Variants in CDC42BPA observed in about 807,000 individuals in gnomAD.
The protein encoded by CDC42BPA is CDC42 binding protein kinase alpha.
Under a neutral mutation model 223.5 loss-of-function variants are expected in CDC42BPA, and 80 were observed. The observed-to-expected ratio is 0.36, with a 90% CI of 0.30 to 0.43. The LOEUF (loss-of-function observed/expected upper bound fraction) is 0.43. Among genes scored for constraint, CDC42BPA ranks in the 20% least tolerant of loss-of-function variants. The pLI, the probability that CDC42BPA is intolerant of heterozygous loss-of-function variation, is 1.00. For missense variants in CDC42BPA, 1,743 were observed against 2,099.9 expected (o/e 0.83, Z 3.32); for synonymous variants, 694 against 718.6 (o/e 0.97, Z 0.55).
chr1:226,996,793 A>ATC (rs1265532203), intron 35 of CDC42BPA, among the ~76,000 whole-genome samples: 1 of 152,212 alleles, frequency 6.6e-6, no homozygotes, highest in Non-Finnish European at 1.5e-5. Flanking sequence ...CCAGTCTTGC[A>ATC]TCTCAGGGAT....
At chr1:227,011,341 T>A (rs935434322) in intron 34 of CDC42BPA, among the ~76,000 whole-genome samples, 20 of 152,066 alleles carry the variant, frequency 1.3e-4, no homozygotes, top group Non-Finnish European at 2.4e-4. Flanking sequence ...ACTTTCAGAG[T>A]TTAGTTCAGT....
At chr1:227,137,572 A>T (rs10458379) in intron 10 of CDC42BPA, among the ~76,000 whole-genome samples, 25,734 of 151,854 alleles carry the variant, frequency 0.17, 2,226 homozygotes, top group Middle Eastern at 0.21. Flanking sequence ...TATTTGCACG[A>T]ACTTTACTCA....
intron 34 of CDC42BPA, 151 bp downstream of exon 34, chr1:227,015,929 T>C: frequency 1.8e-6 from 1 of 545,422 alleles, no homozygotes; most frequent in East Asian, 3.0e-5. Flanking sequence ...AGGTATGTCA[T>C]CATGTATCTT....
chr1:227,197,213 T>G (rs1451170560), intron 4 of CDC42BPA, among the ~76,000 whole-genome samples: 1 of 152,150 alleles, frequency 6.6e-6, no homozygotes, highest in East Asian at 1.9e-4. Flanking sequence ...TGAAAAACAA[T>G]TATATATAAT....
chr1:227,209,439 T>C, intron 3 of CDC42BPA, among the ~76,000 whole-genome samples: 1 of 142,510 alleles, frequency 7.0e-6, no homozygotes, highest in Non-Finnish European at 1.5e-5. Context: ...TGTGCCAGTT[T>C]TCAAAGGGAA....
In CDC42BPA at chr1:227,147,494, T is replaced by C. The variant is rs1195547672; in HGVS notation, c.759A>G (p.Glu253=). Residue 253 remains glutamate, a synonymous_variant, in exon 7 of 37, where the codon GAA becomes GAG. Coordinates refer to ENST00000366766, the MANE Select transcript of CDC42BPA (RefSeq NM_001394014.1). The part of the protein sequence containing the change: ...YISPEILQAM[E]DGKGRYGPEC... ...CAGGTCCATATCTCCCTTTTCCATC[T>C]TCCATGGCTTGAAGGATTTCAGGAG... 1.2e-6 allele frequency: 2 copies of C among 1,613,316 alleles called. No homozygotes were observed. Among genetic ancestry groups the C allele is most frequent in the Non-Finnish European group, 1.7e-6 (2 of 1,179,592 alleles).
At chr1:227,075,733 A>T (rs1679337243) in intron 17 of CDC42BPA, among the ~76,000 whole-genome samples, 1 of 152,098 alleles carries the variant, frequency 6.6e-6, no homozygotes, top group Non-Finnish European at 1.5e-5. Context: ...CTTTTTTAGA[A>T]TACAAAAAAG....
At chr1:227,023,369 G>A (rs1307465375) in intron 31 of CDC42BPA, 22 bp from the exon 32 acceptor site, 1 of 1,288,166 alleles carries the variant, frequency 7.8e-7, no homozygotes, top group African/African-American at 1.5e-5. Flanking sequence ...GACAAAATTA[G>A]TATTTCAACA....
chr1:227,054,961 G>A (rs932833655), intron 21 of CDC42BPA, among the ~76,000 whole-genome samples: 11 of 151,708 alleles, frequency 7.3e-5, no homozygotes, highest in Admixed American at 6.6e-5. Context: ...AAAAATAAGT[G>A]AAAATACTGA....
intron 24 of CDC42BPA, 114 bp from the exon 25 acceptor site, chr1:227,035,721 AT>A: frequency 1.5e-6 from 1 of 655,622 alleles, no homozygotes; most frequent in Non-Finnish European, 2.4e-6. Context: ...CTCCAATTTT[AT>A]TTTAAATAAC....
chr1:227,103,942 CAACAAAT>C (rs1685469124), intron 14 of CDC42BPA, among the ~76,000 whole-genome samples: 2 of 151,892 alleles, frequency 1.3e-5, no homozygotes, highest in African/African-American at 2.4e-5. Context: ...TGAGAAAAAC[CAACAAAT>C]CTTCTATAAT....
At chr1:227,112,974 C>A in intron 12 of CDC42BPA, 61 bp from the exon 13 acceptor site, 1 of 1,553,746 alleles carries the variant, frequency 6.4e-7, no homozygotes, top group South Asian at 1.2e-5. Flanking sequence ...CAAATTTGGC[C>A]ATCAGAATAG....
chr1:227,268,643 A>ATAGTGT (rs1553426703), intron 1 of CDC42BPA, among the ~76,000 whole-genome samples: 1 of 143,972 alleles, frequency 6.9e-6, no homozygotes, highest in Non-Finnish European at 1.5e-5. Context: ...GTATATATAT[A>ATAGTGT]GTGTGTGTGT....
rs79869598 is a variant in CDC42BPA, at chr1:227,242,306, A to C, written c.270+11758T>G. On this transcript the variant is annotated intron_variant, in intron 2 of 36. Transcript: ENST00000366766. ...GAAAAGTAGTAGTAGCAAACTTCTT[A>C]ATCATTAGTAAAATGCTGAACACTT... Among the ~76,000 whole-genome samples the C allele has an allele frequency of 3.3e-3, 495 of 152,248 alleles. 3 individuals carry two copies. The highest frequency in any genetic ancestry group is 0.011 in the African/African-American group (468 of 41,572).
Position 227,199,650 on chromosome 1 carries a change from T to C in CDC42BPA, c.357A>G (p.Thr119=), listed in dbSNP as rs1177454337. The change falls in exon 4 of 37, where the codon ACA becomes ACG. Residue 119 remains threonine (T), a splice_region_variant and synonymous_variant. Transcript: ENST00000366766. ...NKWEMLKRAE[T]ACFREERDVL... ...CATCCCTTTCTTCACGAAAACATGC[T>C]GTCTGAAACACAAAAAGAAAATTTT... 1.9e-6 allele frequency: 3 copies of C among 1,586,998 alleles called. No homozygotes were observed. Among genetic ancestry groups the C allele is most frequent in the African/African-American group, 1.3e-5 (1 of 74,354 alleles).
intron 35 of CDC42BPA, among the ~76,000 whole-genome samples, chr1:226,998,173 T>C (rs1053834859): frequency 1.3e-5 from 2 of 152,216 alleles, no homozygotes; most frequent in East Asian, 1.9e-4. Flanking sequence ...AAACATTCCA[T>C]GCTTATGGAT....
chr1:227,023,343 C>T lies in CDC42BPA; in HGVS notation c.4535G>A (p.Arg1512Gln), dbSNP rs774166063. ...TAATGATCCTTCATTGTTTAAGGGT[C>T]GAACCTAAAATAAAAGACAAAATTA... The part of the protein sequence containing the change: ...WIQTLPLKKV[R>Q]PLNNEGSLNL... Residue 1512 changes from arginine to glutamine, a missense_variant, in exon 32 of 37, where the codon CGA becomes CAA. Around this residue, in one of 6 missense-constraint regions of CDC42BPA, gnomAD observed 678 missense variants for 777.5 expected, o/e 0.87. Coordinates refer to ENST00000366766, the MANE Select transcript of CDC42BPA (RefSeq NM_001394014.1). 15 of 1,507,518 alleles carry T rather than the reference C, an allele frequency of 1.0e-5. No individual in the cohort carries two copies. Among genetic ancestry groups the T allele is most frequent in the Middle Eastern group, 1.8e-4 (1 of 5,612 alleles). The allele number at this position is 1,507,518 out of a possible 1,614,324, so 93.4% of individuals were successfully genotyped here. A position where few individuals can be genotyped will look rare whatever the true frequency, so the allele number is the denominator to read the frequency against.
chr1:227,123,760 C>T (rs866794657), intron 11 of CDC42BPA, among the ~76,000 whole-genome samples: 13 of 152,044 alleles, frequency 8.6e-5, no homozygotes, highest in African/African-American at 2.9e-4. Context: ...TTCTGAGATG[C>T]GAAGAAACTT....
At chr1:227,133,276 G>A (rs558550051) in intron 10 of CDC42BPA, among the ~76,000 whole-genome samples, 2 of 151,126 alleles carry the variant, frequency 1.3e-5, no homozygotes, top group South Asian at 4.2e-4. Flanking sequence ...CCTCTGCCCG[G>A]CCGCCCCTAC....
Sources: gnomAD v4.1 joint callset for allele counts (sites outside exome capture counted in the v4.1 genomes callset) on GRCh38, gnomAD v4.1.1 for gene constraint, gnomAD v4.1.1 regional missense constraint, MANE v1.5 for transcripts, NCBI Gene and HGNC (gene_info 2026-07-23, HGNC 2026-07-21) for gene names.